PRRX2: variants seen among roughly 807,000 people sequenced by gnomAD.
The protein encoded by PRRX2 is paired related homeobox 2, also known as paired mesoderm homeobox protein 2.
PRRX2 carries 11 observed loss-of-function variants against 18.0 expected under a neutral mutation model. The ratio of observed to expected loss-of-function variants is 0.61; its 90% CI spans 0.39 to 1.01. The LOEUF (loss-of-function observed/expected upper bound fraction) is 1.01, where lower values mean the gene tolerates loss of function less well. PRRX2 is among the 50% of genes least tolerant of loss of function. The pLI is 0.01. For missense variants in PRRX2, 387 were observed against 351.0 expected (o/e 1.10, Z -0.82); for synonymous variants, 177 against 154.8 (o/e 1.14, Z -1.06).
At chr9:129,720,838 G>A (rs1180892255) in intron 3 of PRRX2, 64 bp downstream of exon 3, 14 of 1,436,902 alleles carry the variant, frequency 9.7e-6, no homozygotes, top group African/African-American at 1.4e-5. Flanking sequence ...GGGCTTTTCC[G>A]GCCTGGACTC....
rs949630589 is a variant in PRRX2, at chr9:129,709,616, C to T, written c.260-9615C>T. Among the ~76,000 whole-genome samples, 5 of 152,216 alleles carry T rather than the reference C, an allele frequency of 3.3e-5. No individual in the cohort carries two copies. The highest frequency in any genetic ancestry group is 1.9e-4 in the East Asian group (1 of 5,196). Reference sequence around the variant, plus strand: ...CTGTCTGACTCCTCGGGCCCCACTGCGGCTTCCATCATCACCTTCCTTCCC... The same window carrying T: ...CTGTCTGACTCCTCGGGCCCCACTGTGGCTTCCATCATCACCTTCCTTCCC... On this transcript the variant is annotated intron_variant, in intron 1 of 3. Transcript: ENST00000372469. The surrounding 1 kb of genome is among the most constrained non-coding windows in gnomAD (Gnocchi z 4.2).
At chr9:129,693,222 G>A (rs1253441231) in intron 1 of PRRX2, among the ~76,000 whole-genome samples, 2 of 152,088 alleles carry the variant, frequency 1.3e-5, no homozygotes, top group African/African-American at 2.4e-5. Flanking sequence ...CAGGGCTTCC[G>A]TCCATTTTAA....
In PRRX2 at chr9:129,675,163, A is replaced by G. The variant is rs1354822397; in HGVS notation, c.259+9037A>G. On this transcript the variant is annotated intron_variant, in intron 1 of 3. Coordinates refer to ENST00000372469, the MANE Select transcript of PRRX2 (RefSeq NM_016307.4). The surrounding 1 kb of genome is among the most constrained non-coding windows in gnomAD (Gnocchi z 4.4). ...AAGGGCCCGGAAGTGTCCAGTATAC[A>G]GGAGAGGGAGGGGGCTGCGCTGAGG... Among the ~76,000 whole-genome samples the G allele has an allele frequency of 6.6e-6, 1 of 152,152 alleles. No individual in the cohort carries two copies. Among genetic ancestry groups the G allele is most frequent in the Admixed American group, 6.5e-5 (1 of 15,284 alleles).
At position 129,683,689 on chromosome 9, in the gene PRRX2, C is replaced by T. The variant is rs547642117; in HGVS notation, c.259+17563C>T. Among the ~76,000 whole-genome samples, 121 of 152,018 alleles carry T rather than the reference C, an allele frequency of 8.0e-4. 1 individual carries two copies. Among genetic ancestry groups the T allele is most frequent in the Non-Finnish European group, 1.3e-3 (90 of 67,946 alleles). ...GGCGGAGCTTGCAGTGAGCAGAGAT[C>T]GCGCCACTGCACTCCAGCATGGGCG... is the stretch of plus-strand genomic sequence containing the variant. On this transcript the variant is annotated intron_variant, in intron 1 of 3. Coordinates refer to ENST00000372469, the MANE Select transcript of PRRX2 (RefSeq NM_016307.4).
At chr9:129,720,227 GCGAGTGCTCAGCAAGAGCCTCTCCCCC>G (rs1564157084) in intron 2 of PRRX2, among the ~76,000 whole-genome samples, 64 of 116,326 alleles carry the variant, frequency 5.5e-4, no homozygotes, top group African/African-American at 1.8e-3. Flanking sequence ...CCCTCTCCCC[GCGAGTGCTCAGCAAGAGCCTCTCCCCC>G]CGAGTGCTCA....
intron 1 of PRRX2, among the ~76,000 whole-genome samples, chr9:129,716,611 C>T (rs964089160): frequency 6.6e-6 from 1 of 151,944 alleles, no homozygotes; most frequent in Non-Finnish European, 1.5e-5. Flanking sequence ...TGCACCACCA[C>T]ACTTGGCTAA....
At chr9:129,666,554 G>A (rs1056110041) in intron 1 of PRRX2, among the ~76,000 whole-genome samples, 1 of 150,408 alleles carries the variant, frequency 6.6e-6, no homozygotes, top group African/African-American at 2.5e-5. Context: ...CTCTTTGGGG[G>A]GCGAGGGTGC....
chr9:129,666,045 G>T lies in PRRX2; in HGVS notation c.178G>T (p.Gly60Trp), dbSNP rs1832015777. ...AAAGRLAARP[G>W]ARAEAREGAA... ...GGCCGGGCGGCTGGCGGCGCGCCCC[G>T]GGGCCAGGGCCGAGGCGCGGGAGGG... is the stretch of plus-strand genomic sequence containing the variant. The change falls in exon 1 of 4, where the codon GGG (glycine) becomes TGG (tryptophan). Residue 60 changes from glycine to tryptophan, a missense_variant. Transcript: ENST00000372469. The T allele has an allele frequency of 1.9e-6, 2 of 1,053,892 alleles. No individual in the cohort carries two copies. The highest frequency in any genetic ancestry group is 5.7e-5 in the Admixed American group (1 of 17,678). The allele number at this position is 1,053,892 out of a possible 1,614,324, so 65.3% of individuals were successfully genotyped here. A position where few individuals can be genotyped will look rare whatever the true frequency, so the allele number is the denominator to read the frequency against.
intron 1 of PRRX2, among the ~76,000 whole-genome samples, chr9:129,717,658 T>C (rs1309062549): frequency 2.2e-5 from 3 of 139,130 alleles, no homozygotes; most frequent in African/African-American, 8.2e-5. Flanking sequence ...ATCATGCCAC[T>C]GTACTCCAGC....
intron 1 of PRRX2, among the ~76,000 whole-genome samples, chr9:129,674,999 C>G (rs868290281): frequency 6.6e-6 from 1 of 152,126 alleles, no homozygotes; most frequent in Non-Finnish European, 1.5e-5. Flanking sequence ...ATTCTTGTAC[C>G]CTGCTGCGGG....
At chr9:129,666,573 C>CT (rs1345362866) in intron 1 of PRRX2, among the ~76,000 whole-genome samples, 4 of 139,518 alleles carry the variant, frequency 2.9e-5, no homozygotes, top group African/African-American at 1.1e-4. Flanking sequence ...GCCTGCCCAC[C>CT]CCCCCCCACC....
chr9:129,667,767 C>T (rs901360435), intron 1 of PRRX2, among the ~76,000 whole-genome samples: 4 of 152,124 alleles, frequency 2.6e-5, no homozygotes, highest in South Asian at 2.1e-4. Context: ...CGGGTTTCCC[C>T]GGGGATCCCA....
At chr9:129,687,675 C>T (rs1246901485) in intron 1 of PRRX2, among the ~76,000 whole-genome samples, 3 of 152,202 alleles carry the variant, frequency 2.0e-5, no homozygotes, top group East Asian at 1.9e-4. Flanking sequence ...GCGCCAACTC[C>T]GTGGAATTCT....
rs746763796 is a variant in PRRX2 at position 129,695,681 on chromosome 9, A to C, written c.260-23550A>C. Among the ~76,000 whole-genome samples, 5 of 152,244 alleles carry C rather than the reference A, an allele frequency of 3.3e-5. No homozygotes were observed. The highest frequency in any genetic ancestry group is 7.3e-5 in the Non-Finnish European group (5 of 68,042). On this transcript the variant is annotated intron_variant, in intron 1 of 3. Coordinates refer to ENST00000372469, the MANE Select transcript of PRRX2 (RefSeq NM_016307.4). The surrounding 1 kb of genome is among the most constrained non-coding windows in gnomAD (Gnocchi z 4.8). ...TAACAGGAGACTTGGCTGGGAAGTC[A>C]AAAGGACTTTCCCGCTGCTTTCAGA...
Position 129,665,976 on chromosome 9 carries a change from A to G in PRRX2, c.109A>G (p.Asn37Asp). 8.8e-7 allele frequency: 1 copy of G among 1,140,886 alleles called. No individual in the cohort carries two copies. Among genetic ancestry groups the G allele is most frequent in the South Asian group, 2.2e-5 (1 of 44,920 alleles). The allele number at this position is 1,140,886 out of a possible 1,614,324, so 70.7% of individuals were successfully genotyped here. The change falls in exon 1 of 4, where the codon AAC (asparagine) becomes GAC (aspartate). Residue 37 changes from asparagine (N) to aspartate (D), a missense_variant. Transcript: ENST00000372469. This position sits in a 1 kb window ranked among gnomAD's most constrained non-coding sequence, Gnocchi z 5.3. Reference sequence around the variant, plus strand: ...CGGCGACTGCGCCCAGGCGCGCAAGAACTTCTCGGTGAGCCACCTCCTGGA... The same window carrying G: ...CGGCGACTGCGCCCAGGCGCGCAAGGACTTCTCGGTGAGCCACCTCCTGGA... ...GPGDCAQARK[N>D]FSVSHLLDLE...
At chr9:129,688,615 C>T (rs1165878166) in intron 1 of PRRX2, among the ~76,000 whole-genome samples, 1 of 152,208 alleles carries the variant, frequency 6.6e-6, no homozygotes, top group African/African-American at 2.4e-5. Flanking sequence ...GGAGGGCTCA[C>T]TGGGTCCACA....
At chr9:129,704,485 C>T (rs1486414383) in intron 1 of PRRX2, among the ~76,000 whole-genome samples, 3 of 152,182 alleles carry the variant, frequency 2.0e-5, no homozygotes, top group South Asian at 2.1e-4. Flanking sequence ...CTGCTGGTAG[C>T]CCCCCTAACC....
intron 1 of PRRX2, among the ~76,000 whole-genome samples, chr9:129,680,081 C>A (rs1832207357): frequency 6.6e-6 from 1 of 152,132 alleles, no homozygotes; most frequent in East Asian, 1.9e-4. Flanking sequence ...AGCTTTACGC[C>A]TGCCTCGCCC....
At chr9:129,701,455 A>T (rs1056919906) in intron 1 of PRRX2, among the ~76,000 whole-genome samples, 11 of 152,230 alleles carry the variant, frequency 7.2e-5, no homozygotes, top group Non-Finnish European at 1.5e-4. Context: ...CAGAGCTGGC[A>T]TGGAAAGCCA....
Sources: allele counts gnomAD v4.1 joint callset (sites outside exome capture counted in the v4.1 genomes callset), GRCh38; gene constraint gnomAD v4.1.1; non-coding constraint Gnocchi (gnomAD v3.1); transcripts MANE v1.5; gene names NCBI Gene and HGNC (gene_info 2026-07-23, HGNC 2026-07-21).